Variants in ZNF43 observed in about 807,000 individuals in gnomAD.
The protein encoded by ZNF43 is zinc finger protein 43, also known as zinc finger protein 39-like 1 (KOX 27).
In ZNF43, 44 loss-of-function variants were observed where a neutral mutation model predicts 68.4. The ratio of observed to expected loss-of-function variants is 0.64; its 90% confidence interval spans 0.51 to 0.83. The LOEUF is 0.83. Among genes scored for constraint, ZNF43 ranks in the 40% least tolerant of loss-of-function variants. The pLI is 0.00. For missense variants in ZNF43, 896 were observed against 933.2 expected (o/e 0.96, Z 0.52); for synonymous variants, 308 against 307.8 (o/e 1.00, Z -0.01).
At chr19:21,842,373 C>A (rs144783537) in intron 1 of ZNF43, among the ~76,000 whole-genome samples, 1 of 148,174 alleles carries the variant, frequency 6.7e-6, no homozygotes, top group Non-Finnish European at 1.5e-5. Flanking sequence ...CGTGCCACTG[C>A]ACTCCAGCCT....
chr19:21,843,201 G>A (rs953278174), intron 1 of ZNF43: 7 of 179,788 alleles, frequency 3.9e-5, no homozygotes, highest in Non-Finnish European at 7.5e-5. Context: ...ACCAAGGCAA[G>A]AGTATAGGGT....
At position 21,808,555 on chromosome 19, in the gene ZNF43, G is replaced by A. The variant is rs2037088213; in HGVS notation, c.1482C>T (p.Ser494=). 6.2e-7 allele frequency: 1 copy of A among 1,612,732 alleles called. No homozygotes were observed. The highest frequency in any genetic ancestry group is 2.2e-5 in the East Asian group (1 of 44,762). ...TTTTCTTATGTTTAGTAAGGTTTGA[G>A]GACCGGCTAAAAGCTTTGCCACATT... The part of the protein sequence containing the change: ...CEECGKAFSR[S]SNLTKHKKIH... Residue 494 remains serine, a synonymous_variant, in exon 4 of 4, where the codon TCC becomes TCT. Coordinates refer to ENST00000354959, the MANE Select transcript of ZNF43 (RefSeq NM_003423.4).
chr19:21,818,047 T>C, intron 2 of ZNF43, 61 bp from the exon 3 acceptor site: 1 of 1,500,614 alleles, frequency 6.7e-7, no homozygotes, highest in East Asian at 2.3e-5. Flanking sequence ...ATTAACCTAG[T>C]AATGTGTCCA....
At chr19:21,811,755 T>C (rs1409839157) in intron 3 of ZNF43, among the ~76,000 whole-genome samples, 3 of 151,994 alleles carry the variant, frequency 2.0e-5, no homozygotes, top group Non-Finnish European at 2.9e-5. Context: ...GAGGAAGCAA[T>C]AGAAAAAAAT....
chr19:21,839,188 G>A (rs1342209165), upstream of ZNF43, among the ~76,000 whole-genome samples: 1 of 151,896 alleles, frequency 6.6e-6, no homozygotes, highest in Non-Finnish European at 1.5e-5. Context: ...AGTCAAAAAA[G>A]GAGAGTCACA....
rs2037172174 is a variant in ZNF43, at chr19:21,809,495, T to A, written c.542A>T (p.Lys181Ile). The A allele has an allele frequency of 6.2e-7, 1 of 1,613,858 alleles. No homozygotes were observed. Among genetic ancestry groups the A allele is most frequent in the African/African-American group, 1.3e-5 (1 of 75,052 alleles). Residue 181 changes from lysine (K) to isoleucine (I), a missense_variant, in exon 4 of 4, where the codon AAA becomes ATA. Lys to Ile is a moderately radical substitution (Grantham distance 102). Coordinates refer to ENST00000354959, the MANE Select transcript of ZNF43 (RefSeq NM_003423.4). ...KKLFKCKECG[K>I]SFCMLPHLAQ... ...TAGATGTGGAAGCATGCAAAATGAT[T>A]TGCCACATTCTTTGCATTTGAAAAG...
intron 1 of ZNF43, among the ~76,000 whole-genome samples, chr19:21,834,136 G>C (rs141289563): frequency 4.6e-4 from 70 of 151,828 alleles, no homozygotes; most frequent in African/African-American, 1.6e-3. Context: ...TTAGGAGTTC[G>C]AGACCAGCCT....
At chr19:21,812,022 A>T (rs1354208892) in intron 3 of ZNF43, 3 of 398,566 alleles carry the variant, frequency 7.5e-6, no homozygotes, top group Non-Finnish European at 1.3e-5. Flanking sequence ...ATTACTGTAC[A>T]TCAAAGAAAA....
Position 21,848,134 on chromosome 19 carries a change from T to TTTG in ZNF43, c.30+3768_30+3770dup, listed in dbSNP as rs139196924. Among the ~76,000 whole-genome samples the TTTG allele has an allele frequency of 6.0e-4, 90 of 150,960 alleles. 1 individual carries two copies. Among genetic ancestry groups the TTTG allele is most frequent in the African/African-American group, 1.3e-3 (55 of 41,076 alleles). On this transcript the variant is annotated intron_variant, in intron 1 of 3. Transcript: ENST00000357491. ...CTGTGCCCGGCCTTATATGTAACAA[T>TTTG]TTGTTGTTGTTGTTGTTGTTGTTTT... is the stretch of plus-strand genomic sequence containing the variant.
At chr19:21,850,960 G>T (rs1968309727) in intron 1 of ZNF43, 1 of 152,278 alleles carries the variant, frequency 6.6e-6, no homozygotes, top group Non-Finnish European at 1.5e-5. Context: ...CCAGGAATGA[G>T]ATTAGAAATT....
At chr19:21,820,200 AAAT>A (rs538318209) in intron 1 of ZNF43, among the ~76,000 whole-genome samples, 32 of 142,962 alleles carry the variant, frequency 2.2e-4, no homozygotes, top group African/African-American at 5.5e-4. Context: ...CTCCATCTCA[AAAT>A]AATAATAATA....
chr19:21,844,771 CCTGTAGTCCCAGCTA>C (rs1568392098), intron 1 of ZNF43, among the ~76,000 whole-genome samples: 2 of 150,564 alleles, frequency 1.3e-5, no homozygotes, highest in African/African-American at 4.9e-5. Context: ...GTGGCAGACA[CCTGTAGTCCCAGCTA>C]CTTGGGAGGC....
chr19:21,851,300 G>GGC (rs1015707395), intron 1 of ZNF43: 49 of 152,216 alleles, frequency 3.2e-4, no homozygotes, highest in African/African-American at 1.2e-3. Context: ...GGCTGAGGCG[G>GGC]GCGTATGACC....
intron 3 of ZNF43, 89 bp downstream of exon 3, chr19:21,817,799 T>G: frequency 2.2e-6 from 3 of 1,355,132 alleles, no homozygotes; most frequent in Non-Finnish European, 3.1e-6. Context: ...GGAACACAGC[T>G]TCCCAAGTCA....
chr19:21,844,702 C>T (rs887147406), intron 1 of ZNF43, among the ~76,000 whole-genome samples: 1 of 151,094 alleles, frequency 6.6e-6, no homozygotes, highest in African/African-American at 2.4e-5. Flanking sequence ...TCGAGACCAT[C>T]CTGGCTAACA....
chr19:21,832,803 T>G (rs1005470377), intron 1 of ZNF43, among the ~76,000 whole-genome samples: 1 of 151,796 alleles, frequency 6.6e-6, no homozygotes, highest in African/African-American at 2.4e-5. Flanking sequence ...AGATGGAGGG[T>G]GCAGTGAGCC....
rs1384121576 is a variant in ZNF43 at position 21,806,899 on chromosome 19, T to C, written c.*708A>G. On this transcript the variant is annotated 3_prime_UTR_variant, in exon 4 of 4. Transcript: ENST00000354959. ...TTAAATTTTTTTCATTTTTACTGCA[T>C]CTGCAAAAACATATTTTAGTATGAA... 6.6e-6 allele frequency: 1 copy of C among 152,238 alleles called. No homozygotes were observed. Among genetic ancestry groups the C allele is most frequent in the Non-Finnish European group, 1.5e-5 (1 of 68,036 alleles). The allele number at this position is 152,238 out of a possible 1,614,324, so 9.4% of individuals were successfully genotyped here. A position where few individuals can be genotyped will look rare whatever the true frequency, so the allele number is the denominator to read the frequency against.
rs746926009 is a variant in ZNF43 at position 21,808,041 on chromosome 19, T to A, written c.1996A>T (p.Thr666Ser). The change falls in exon 4 of 4, where the codon ACT (threonine) becomes TCT (serine). Residue 666 changes from threonine to serine, a missense_variant. By Grantham distance (58) the Thr-to-Ser change is moderately conservative. Transcript: ENST00000354959. ...GKAFKWSSTL[T>S]KHKIIHTGEK... ...CCAGTATGAATTATCTTATGTTTAG[T>A]AAGGGTTGAGGACCACTTAAAGGCT... 2.5e-6 allele frequency: 4 copies of A among 1,612,968 alleles called. No individual in the cohort carries two copies. In the East Asian group the frequency reaches 8.9e-5, roughly 36 times the overall value.
At chr19:21,836,231 G>A (rs1319102441), upstream of ZNF43, 2 of 1,418,704 alleles carry the variant, frequency 1.4e-6, no homozygotes, top group East Asian at 2.6e-5. Flanking sequence ...CCTGCCCCGT[G>A]CCTGATTGGA....
Sources: gnomAD v4.1 joint callset for allele counts (sites outside exome capture counted in the v4.1 genomes callset) on GRCh38, gnomAD v4.1.1 for gene constraint, MANE v1.5 for transcripts, NCBI Gene and HGNC (gene_info 2026-07-23, HGNC 2026-07-21) for gene names.